YIPF4: variants seen among roughly 807,000 people sequenced by gnomAD.
YIPF4 encodes Yip1 domain family member 4.
In YIPF4, 18 loss-of-function variants were observed where a neutral mutation model predicts 29.4. The ratio of observed to expected loss-of-function variants is 0.61; its 90% CI spans 0.42 to 0.91. YIPF4 has a LOEUF of 0.91. Ranked by LOEUF, YIPF4 falls within the 40% of genes least tolerant of loss-of-function variation. YIPF4 has a pLI of 0.00. For synonymous variants in YIPF4, 115 were observed against 104.7 expected (o/e 1.10, Z -0.60); for missense variants, 279 against 282.7 (o/e 0.99, Z 0.09).
At chr2:32,279,511 C>T (rs2030287452) in intron 1 of YIPF4, among the ~76,000 whole-genome samples, 1 of 148,476 alleles carries the variant, frequency 6.7e-6, no homozygotes, top group Admixed American at 6.9e-5. Context: ...CATTCTCTGG[C>T]CTCAGCCTCC....
At position 32,311,288 on chromosome 2, in the gene YIPF4, A is replaced by G. The variant is rs2031710978; in HGVS notation, c.*5662A>G. ...GTAGTGATTAAAAAATGGTTAAGAG[A>G]ATGTTCCCTATACAAGGCATATGTT... On this transcript the variant is annotated 3_prime_UTR_variant, in exon 6 of 6. Coordinates refer to ENST00000238831, the MANE Select transcript of YIPF4 (RefSeq NM_032312.4). The G allele has an allele frequency of 6.6e-6, 1 of 152,196 alleles. No individual in the cohort carries two copies. Among genetic ancestry groups the G allele is most frequent in the Non-Finnish European group, 1.5e-5 (1 of 68,034 alleles). 9.4% of individuals were successfully genotyped at this position (152,196 alleles called of 1,614,324 possible). A position where few individuals can be genotyped will look rare whatever the true frequency, so the allele number is the denominator to read the frequency against.
At position 32,279,637 on chromosome 2, in the gene YIPF4, C is replaced by G. The variant is rs576587543; in HGVS notation, c.79+1403C>G. Among the ~76,000 whole-genome samples the G allele has an allele frequency of 3.3e-5, 5 of 150,006 alleles. No individual in the cohort carries two copies. The East Asian group carries it at 8.0e-4, about 24-fold the overall frequency. On this transcript the variant is annotated intron_variant, in intron 1 of 5. Transcript: ENST00000238831. ...TGTTAGCCAGGATGGTCTCGATCTC[C>G]TGACCTCGTGATCCGTCCGCCTCGG...
Position 32,298,302 on chromosome 2 carries a change from T to C in YIPF4, c.474T>C (p.Leu158=), listed in dbSNP as rs1456822244. 19 of 1,608,098 alleles carry C rather than the reference T, an allele frequency of 1.2e-5. No individual in the cohort carries two copies. The highest frequency in any genetic ancestry group is 1.4e-5 in the Non-Finnish European group (16 of 1,175,680). ...SLTIFLLARV[L]GGEVAYGQVL... ...CAATTTTCTTACTGGCCAGAGTTCT[T>C]GGTGGAGAAGTAAGTAGTTTATTTT... is the stretch of plus-strand genomic sequence containing the variant. Residue 158 remains leucine (L), a synonymous_variant, in exon 4 of 6, where the codon CTT becomes CTC. Transcript: ENST00000238831.
In YIPF4 at chr2:32,308,144, CTG is replaced by C. The variant is rs947404706; in HGVS notation, c.*2520_*2521del. 6.6e-6 allele frequency: 1 copy of C among 151,844 alleles called. No homozygotes were observed. Among genetic ancestry groups the C allele is most frequent in the African/African-American group, 2.4e-5 (1 of 41,364 alleles). 9.4% of individuals were successfully genotyped at this position (151,844 alleles called of 1,614,324 possible). On this transcript the variant is annotated 3_prime_UTR_variant, in exon 6 of 6. Transcript: ENST00000238831. ...TGTTGTTGTTTGAGACAGAGTCACT[CTG>C]TCACCCAAGCTGGAGTGCAATGGCA...
At chr2:32,287,159 C>T (rs538405776) in intron 1 of YIPF4, among the ~76,000 whole-genome samples, 74 of 152,254 alleles carry the variant, frequency 4.9e-4, no homozygotes, top group Admixed American at 1.1e-3. Flanking sequence ...GTAGTTGAAT[C>T]GCTTGAACCT....
chr2:32,315,877 T>A lies in YIPF4; in HGVS notation c.*10251T>A, dbSNP rs2031818835. The A allele has an allele frequency of 6.6e-6, 1 of 151,708 alleles. No homozygotes were observed. The allele number at this position is 151,708 out of a possible 1,614,324, so 9.4% of individuals were successfully genotyped here. On this transcript the variant is annotated 3_prime_UTR_variant, in exon 6 of 6. Coordinates refer to ENST00000238831, the MANE Select transcript of YIPF4 (RefSeq NM_032312.4). Reference sequence around the variant, plus strand: ...TGAGAAGATGGGGCTTTCAAAGCGTTAAATGAAACACAGAAGCCATGGCCA... The same window carrying A: ...TGAGAAGATGGGGCTTTCAAAGCGTAAAATGAAACACAGAAGCCATGGCCA...
At chr2:32,299,625 C>G (rs955687440) in intron 4 of YIPF4, among the ~76,000 whole-genome samples, 5 of 150,406 alleles carry the variant, frequency 3.3e-5, no homozygotes, top group African/African-American at 7.4e-5. Context: ...AGTTCCAATA[C>G]CAGCCTGGGC....
In YIPF4 at chr2:32,306,501, G is replaced by A; in HGVS notation, c.*875G>A. The A allele has an allele frequency of 6.1e-6, 6 of 984,416 alleles. No homozygotes were observed. Among genetic ancestry groups the A allele is most frequent in the Non-Finnish European group, 7.2e-6 (6 of 828,966 alleles). 61.0% of individuals were successfully genotyped at this position (984,416 alleles called of 1,614,324 possible). ...TTCTAAATCATAAAAGTTGGGGAAA[G>A]AGACCTTTAAAATCTTGTGGTGTTG... On this transcript the variant is annotated 3_prime_UTR_variant, in exon 6 of 6. Coordinates refer to ENST00000238831, the MANE Select transcript of YIPF4 (RefSeq NM_032312.4).
chr2:32,305,448 T>C, intron 5 of YIPF4, 41 bp from the exon 6 acceptor site: 1 of 1,433,610 alleles, frequency 7.0e-7, no homozygotes, highest in Middle Eastern at 1.9e-4. Context: ...TTAATTGACT[T>C]GCTAATATGC....
chr2:32,278,102 G>T lies in YIPF4; in HGVS notation c.-54G>T. Reference sequence around the variant, plus strand: ...GGGTCGCCGCCGCGGCCGCCTCGGGGTCTGGGCCCAGCCGCAGCCTCTTCT... The same window carrying T: ...GGGTCGCCGCCGCGGCCGCCTCGGGTTCTGGGCCCAGCCGCAGCCTCTTCT... On this transcript the variant is annotated 5_prime_UTR_variant, in exon 1 of 6. Coordinates refer to ENST00000238831, the MANE Select transcript of YIPF4 (RefSeq NM_032312.4). 6.6e-7 allele frequency: 1 copy of T among 1,506,322 alleles called. No individual in the cohort carries two copies. The highest frequency in any genetic ancestry group is 8.9e-7 in the Non-Finnish European group (1 of 1,117,936). The allele number at this position is 1,506,322 out of a possible 1,614,324, so 93.3% of individuals were successfully genotyped here.
chr2:32,292,139 ATG>A, intron 2 of YIPF4, 36 bp from the exon 3 acceptor site: 2 of 1,328,916 alleles, frequency 1.5e-6, no homozygotes, highest in Non-Finnish European at 2.0e-6. Context: ...GTATTCAGAA[ATG>A]TGTGCCTTTT....
At chr2:32,305,310 G>A (rs2031538326) in intron 5 of YIPF4, among the ~76,000 whole-genome samples, 179 bp from the exon 6 acceptor site, 1 of 152,194 alleles carries the variant, frequency 6.6e-6, no homozygotes, top group Non-Finnish European at 1.5e-5. Flanking sequence ...AAGTCAAGGA[G>A]TAGAGCAAAG....
chr2:32,289,536 ATGTGACT>A (rs2030823746), intron 1 of YIPF4, among the ~76,000 whole-genome samples: 1 of 152,238 alleles, frequency 6.6e-6, no homozygotes, highest in Admixed American at 6.5e-5. Flanking sequence ...TACTATAATC[ATGTGACT>A]TGCACTGACA....
At chr2:32,279,392 T>C (rs2030276173) in intron 1 of YIPF4, among the ~76,000 whole-genome samples, 2 of 129,412 alleles carry the variant, frequency 1.5e-5, no homozygotes, top group South Asian at 2.4e-4. Context: ...ACCTAGATTT[T>C]CCTTTTTTTT....
In YIPF4 at chr2:32,286,279, A is replaced by G. The variant is rs755060909; in HGVS notation, c.80-4204A>G. Among the ~76,000 whole-genome samples, 6 of 152,184 alleles carry G rather than the reference A, an allele frequency of 3.9e-5. No individual in the cohort carries two copies. In the South Asian group the frequency reaches 6.2e-4, roughly 16 times the overall value. The stretch of plus-strand genomic sequence containing the variant: ...TTTGATAGTTATGTGAGTTTGTACT[A>G]TTGGGAAAAACTGGGTAAAGGGTAC... On this transcript the variant is annotated intron_variant, in intron 1 of 5. Transcript: ENST00000238831.
intron 5 of YIPF4, 125 bp from the exon 6 acceptor site, chr2:32,305,364 C>T (rs1312435819): frequency 5.3e-6 from 6 of 1,128,786 alleles, no homozygotes. Flanking sequence ...ACAAGTTTTA[C>T]TATTTACCAA....
intron 3 of YIPF4, among the ~76,000 whole-genome samples, chr2:32,293,191 A>G (rs1481599919): frequency 2.6e-5 from 4 of 152,068 alleles, no homozygotes; most frequent in Admixed American, 2.6e-4. Flanking sequence ...GAACAAAGAA[A>G]CAAGTGAACA....
intron 1 of YIPF4, among the ~76,000 whole-genome samples, chr2:32,278,584 C>T (rs1033720063): frequency 7.9e-5 from 12 of 151,978 alleles, no homozygotes; most frequent in African/African-American, 2.7e-4. Flanking sequence ...GACAGATTGG[C>T]CAAGGGAGAT....
chr2:32,282,657 C>T (rs929689638), intron 1 of YIPF4, among the ~76,000 whole-genome samples: 1 of 152,200 alleles, frequency 6.6e-6, no homozygotes, highest in Non-Finnish European at 1.5e-5. Context: ...TGTTCTCGAA[C>T]TCCTGACCTC....
Sources: allele counts gnomAD v4.1 joint callset (sites outside exome capture counted in the v4.1 genomes callset), GRCh38; gene constraint gnomAD v4.1.1; transcripts MANE v1.5; gene names NCBI Gene and HGNC (gene_info 2026-07-23, HGNC 2026-07-21).